Variants in TIAM1 observed in about 807,000 individuals in gnomAD.
The protein encoded by TIAM1 is rho guanine nucleotide exchange factor TIAM1.
In TIAM1, 65 loss-of-function variants were observed where a neutral mutation model predicts 163.5. The ratio of observed to expected loss-of-function variants is 0.40; its 90% confidence interval spans 0.33 to 0.49. The LOEUF (loss-of-function observed/expected upper bound fraction) is 0.49. Ranked by LOEUF, TIAM1 falls within the 20% of genes least tolerant of loss-of-function variation. TIAM1 has a pLI of 0.77. For synonymous variants in TIAM1, 833 were observed against 810.1 expected, an observed-to-expected ratio of 1.03 and a Z score of -0.48; for missense variants, 1,789 against 2,044.7, an observed-to-expected ratio of 0.87 and a Z score of 2.41.
chr21:31,548,980 T>C (rs937552341), intron 1 of TIAM1, among the ~76,000 whole-genome samples: 10 of 152,192 alleles, frequency 6.6e-5, no homozygotes, highest in Admixed American at 5.9e-4. Context: ...TGAGAGCCTC[T>C]GTATTAATAA....
At chr21:31,210,311 A>G (rs919042049) in intron 10 of TIAM1, 96 bp from the exon 11 acceptor site, 157 of 1,360,922 alleles carry the variant, frequency 1.2e-4, no homozygotes, top group Admixed American at 1.7e-4. Flanking sequence ...TTCCCATGAA[A>G]ACAGCCCAGG....
chr21:31,141,056 A>C lies in TIAM1; in HGVS notation c.3774+62T>G. The C allele has an allele frequency of 1.5e-6, 2 of 1,309,240 alleles. No homozygotes were observed. The highest frequency in any genetic ancestry group is 2.1e-6 in the Non-Finnish European group (2 of 941,930). The allele number at this position is 1,309,240 out of a possible 1,614,324, so 81.1% of individuals were successfully genotyped here. ...CACCTTTTTAAAAAATAAATAAATAAATAAAAGCAAACTCAAACTCGGCTT... is the reference window on the plus strand; with the variant it reads ...CACCTTTTTAAAAAATAAATAAATACATAAAAGCAAACTCAAACTCGGCTT... On this transcript the variant is annotated intron_variant, in intron 22 of 27. Transcript: ENST00000541036. This position sits in a 1 kb window ranked among gnomAD's most constrained non-coding sequence, Gnocchi z 4.7.
intron 2 of TIAM1, among the ~76,000 whole-genome samples, chr21:31,405,595 A>G (rs926189875): frequency 1.3e-5 from 2 of 152,214 alleles, no homozygotes; most frequent in African/African-American, 4.8e-5. Context: ...GGTGGAAGAC[A>G]AGGAGGAGCA....
At chr21:31,332,141 C>T (rs1234782102) in intron 2 of TIAM1, among the ~76,000 whole-genome samples, 1 of 152,000 alleles carries the variant, frequency 6.6e-6, no homozygotes, top group Admixed American at 6.6e-5. Context: ...ACCCCCTACT[C>T]CTGGAGTAAA....
At chr21:31,477,062 C>T (rs1232787555) in intron 1 of TIAM1, among the ~76,000 whole-genome samples, 1 of 152,134 alleles carries the variant, frequency 6.6e-6, no homozygotes, top group Non-Finnish European at 1.5e-5. Flanking sequence ...CATGTCCTTT[C>T]TTAATGTAGA....
Position 31,395,207 on chromosome 21 carries a change from C to T in TIAM1, c.-368-55785G>A, listed in dbSNP as rs1307425744. Among the ~76,000 whole-genome samples the T allele has an allele frequency of 6.6e-6, 1 of 151,352 alleles. No individual in the cohort carries two copies. Among genetic ancestry groups the T allele is most frequent in the Non-Finnish European group, 1.5e-5 (1 of 67,900 alleles). On this transcript the variant is annotated intron_variant, in intron 2 of 28. Coordinates refer to the TIAM1 transcript ENST00000286827. This position sits in a 1 kb window ranked among gnomAD's most constrained non-coding sequence, Gnocchi z 7.5. ...AAGCTGAGATCGCGCCACCACACTC[C>T]AGCCTGGGCAACAGAGTGAGACTCT...
At chr21:31,411,502 G>C (rs1255596450) in intron 2 of TIAM1, among the ~76,000 whole-genome samples, 2 of 143,246 alleles carry the variant, frequency 1.4e-5, no homozygotes, top group African/African-American at 5.2e-5. Context: ...TGGAGATAGG[G>C]TCTCACTCCC....
At chr21:31,464,927 T>C (rs961856336) in intron 1 of TIAM1, among the ~76,000 whole-genome samples, 8 of 151,426 alleles carry the variant, frequency 5.3e-5, no homozygotes, top group African/African-American at 2.4e-5. Context: ...CGAGAATTGA[T>C]TGAACCCAGG....
upstream of TIAM1, among the ~76,000 whole-genome samples, chr21:31,345,318 C>T (rs1172963362): frequency 2.6e-5 from 4 of 151,896 alleles, no homozygotes; most frequent in Non-Finnish European, 5.9e-5. Context: ...AAATAAAAAC[C>T]CAACATTCAT....
At position 31,372,980 on chromosome 21, in the gene TIAM1, G is replaced by A. The variant is rs538085653; in HGVS notation, c.-368-33558C>T. 2.1e-4 allele frequency among the ~76,000 whole-genome samples: 32 copies of A among 151,724 alleles called. No homozygotes were observed. In the East Asian group the frequency reaches 4.5e-3, roughly 21 times the overall value. ...TGAGGCAGGAGAATCACTTGAACCCGGGAGGCAGAGGTTTCGGTGAGCCGA... is the reference window on the plus strand; with the variant it reads ...TGAGGCAGGAGAATCACTTGAACCCAGGAGGCAGAGGTTTCGGTGAGCCGA... On this transcript the variant is annotated intron_variant, in intron 2 of 28. Coordinates refer to the TIAM1 transcript ENST00000286827.
At chr21:31,496,017 C>G (rs1296698947) in intron 1 of TIAM1, among the ~76,000 whole-genome samples, 1 of 151,888 alleles carries the variant, frequency 6.6e-6, no homozygotes, top group East Asian at 1.9e-4. Flanking sequence ...GAAGAGTTTC[C>G]CAAAAGACAA....
rs537081091 is a variant in TIAM1 at position 31,141,316 on chromosome 21, G to A, written c.3655+9C>T. The stretch of plus-strand genomic sequence containing the variant: ...TCAGGCCTGCCGGGGGTCCCAGGCC[G>A]AGGCCTACCGTCCAGGTGGTAGTGC... On this transcript the variant is annotated intron_variant, in intron 21 of 27. Transcript: ENST00000541036. This position sits in a 1 kb window ranked among gnomAD's most constrained non-coding sequence, Gnocchi z 4.7. 2.1e-5 allele frequency: 34 copies of A among 1,613,690 alleles called. No individual in the cohort carries two copies. The highest frequency in any genetic ancestry group is 1.7e-4 in the African/African-American group (13 of 74,930).
chr21:31,465,657 G>A (rs2045500658), intron 1 of TIAM1, among the ~76,000 whole-genome samples: 1 of 151,282 alleles, frequency 6.6e-6, no homozygotes. Context: ...TGCAAGCCCC[G>A]CCTCCCGGGT....
intron 23 of TIAM1, among the ~76,000 whole-genome samples, chr21:31,131,338 TG>T (rs1350631957): frequency 1.3e-5 from 2 of 152,232 alleles, no homozygotes; most frequent in Non-Finnish European, 2.9e-5. Flanking sequence ...TTGCTGAAGA[TG>T]ATTTACATTT....
chr21:31,513,410 CCT>C (rs1484130068), intron 1 of TIAM1, among the ~76,000 whole-genome samples: 2 of 152,108 alleles, frequency 1.3e-5, no homozygotes, highest in Non-Finnish European at 2.9e-5. Context: ...CTCAGGTGCC[CCT>C]GTTCGCTATT....
At position 31,146,152 on chromosome 21, in the gene TIAM1, C is replaced by A. The variant is rs568570494; in HGVS notation, c.3475+743G>T. ...TTCATTACAAGAAAATTGACAAAAC[C>A]ATTAATTCAAGATATTGGCCAGGTA... is the stretch of plus-strand genomic sequence containing the variant. On this transcript the variant is annotated intron_variant, in intron 20 of 27. Transcript: ENST00000541036. Among the ~76,000 whole-genome samples the A allele has an allele frequency of 9.2e-5, 14 of 152,224 alleles. No homozygotes were observed. The East Asian group carries it at 2.7e-3, about 29-fold the overall frequency.
chr21:31,497,998 G>A (rs2046722385), intron 1 of TIAM1, among the ~76,000 whole-genome samples: 1 of 152,238 alleles, frequency 6.6e-6, no homozygotes, highest in Admixed American at 6.5e-5. Flanking sequence ...TGCTGGTTCT[G>A]TGACTGAATC....
chr21:31,171,546 A>AT (rs1236704524), intron 15 of TIAM1, among the ~76,000 whole-genome samples: 3 of 152,126 alleles, frequency 2.0e-5, no homozygotes, highest in Non-Finnish European at 2.9e-5. Context: ...TAAAGCATAT[A>AT]TTTTTTTATC....
At chr21:31,206,936 T>TACACAC (rs142792769) in intron 11 of TIAM1, among the ~76,000 whole-genome samples, 1 of 151,250 alleles carries the variant, frequency 6.6e-6, no homozygotes, top group African/African-American at 2.4e-5. Context: ...GAAATATGTA[T>TACACAC]ACACACACAC....
Sources: gnomAD v4.1 joint callset for allele counts (sites outside exome capture counted in the v4.1 genomes callset) on GRCh38, gnomAD v4.1.1 for gene constraint, Gnocchi (gnomAD v3.1) non-coding constraint, MANE v1.5 for transcripts, NCBI Gene and HGNC (gene_info 2026-07-23, HGNC 2026-07-21) for gene names.